Variants in YJU2 observed in about 807,000 individuals in gnomAD.
YJU2 encodes YJU2 splicing factor homolog, also known as splicing factor YJU2.
A neutral mutation model predicts 39.6 loss-of-function variants in YJU2; 28 were observed. The observed-to-expected ratio is 0.71, with a 90% CI of 0.52 to 0.97. The LOEUF (loss-of-function observed/expected upper bound fraction) is 0.97. Ranked by LOEUF, YJU2 falls within the 50% of genes least tolerant of loss-of-function variation. The probability of loss-of-function intolerance (pLI) is 0.00; values close to 1 mark genes in which losing one functional copy is unlikely to be tolerated. For synonymous variants in YJU2, 184 were observed against 182.4 expected, an observed-to-expected ratio of 1.01 and a Z score of -0.07; for missense variants, 328 against 430.4, an observed-to-expected ratio of 0.76 and a Z score of 2.11.
At chr19:4,251,309 T>G (rs1237107311) in intron 3 of YJU2, 138 bp downstream of exon 3, 3 of 863,100 alleles carry the variant, frequency 3.5e-6, no homozygotes, top group Non-Finnish European at 5.3e-6. Context: ...CAGACAACAG[T>G]TTGGGGGAGA....
At chr19:4,253,215 A>T (rs1970991877) in intron 3 of YJU2, among the ~76,000 whole-genome samples, 1 of 150,958 alleles carries the variant, frequency 6.6e-6, no homozygotes, top group African/African-American at 2.4e-5. Context: ...ACACACACAC[A>T]CACACACACA....
chr19:4,262,148 G>A, intron 6 of YJU2, 34 bp downstream of exon 6: 1 of 1,565,338 alleles, frequency 6.4e-7, no homozygotes, highest in East Asian at 2.3e-5. Context: ...GGGGCTCCCA[G>A]GTGAACTAGG....
rs1970938452 is a variant in YJU2, at chr19:4,247,633, GTGTGTGTGTGTGTGTGTGTGT to G, written c.24+464_24+484del. Reference sequence around the variant, plus strand: ...TGTGTGTGTGTGTGTGTGTGTGTGTGTGTGTGTGTGTGTGTGTGTGTGTGTGTGTGTGTGTGTGTGTGTGTG... The same window carrying G: ...TGTGTGTGTGTGTGTGTGTGTGTGTGGTGTGTGTGTGTGTGTGTGTGTGTG... On this transcript the variant is annotated intron_variant, in intron 1 of 7. Transcript: ENST00000262962. Among the ~76,000 whole-genome samples the G allele has an allele frequency of 7.8e-4, 50 of 64,318 alleles. 4 individuals carry two copies. The highest frequency in any genetic ancestry group is 2.0e-3 in the East Asian group (4 of 2,016). The allele number at this position is 64,318 out of a possible 152,430, so 42.2% of individuals were successfully genotyped here.
intron 2 of YJU2, among the ~76,000 whole-genome samples, chr19:4,250,076 C>T (rs1599495709): frequency 6.6e-6 from 1 of 152,124 alleles, no homozygotes; most frequent in African/African-American, 2.4e-5. Context: ...CTCACCCCTC[C>T]GGGAGGCCTC....
intron 6 of YJU2, among the ~76,000 whole-genome samples, chr19:4,262,688 C>T (rs574751572): frequency 1.6e-4 from 24 of 152,048 alleles, no homozygotes; most frequent in African/African-American, 5.1e-4. Flanking sequence ...GCAGGAGGAT[C>T]GCTTGAGGCC....
intron 6 of YJU2, among the ~76,000 whole-genome samples, chr19:4,265,339 C>T (rs1470031934): frequency 6.6e-6 from 1 of 151,970 alleles, no homozygotes; most frequent in East Asian, 1.9e-4. Context: ...CCTCCAACTC[C>T]TGGGCTCAAA....
chr19:4,248,323 A>G (rs1970948175), intron 1 of YJU2: 1 of 152,224 alleles, frequency 6.6e-6, no homozygotes, highest in African/African-American at 2.4e-5. Flanking sequence ...TGGAGCACCT[A>G]CTGGGTGCCA....
intron 4 of YJU2, among the ~76,000 whole-genome samples, chr19:4,255,463 C>G (rs370268293): frequency 1.3e-5 from 2 of 152,064 alleles, no homozygotes; most frequent in African/African-American, 4.8e-5. Context: ...GGCGTGGTGG[C>G]TCACACCTGT....
intron 5 of YJU2, among the ~76,000 whole-genome samples, 187 bp from the exon 6 acceptor site, chr19:4,261,807 G>A (rs1214473428): frequency 2.6e-5 from 4 of 151,896 alleles, no homozygotes; most frequent in Admixed American, 2.6e-4. Context: ...CTCCCTGAGT[G>A]ACAGAGTGAG....
chr19:4,250,087 C>G (rs1244360092), intron 2 of YJU2, among the ~76,000 whole-genome samples: 3 of 152,162 alleles, frequency 2.0e-5, no homozygotes, highest in Non-Finnish European at 4.4e-5. Context: ...GGGAGGCCTC[C>G]ATCATCCCCT....
intron 4 of YJU2, among the ~76,000 whole-genome samples, chr19:4,257,753 C>T (rs139986615): frequency 3.1e-4 from 47 of 152,198 alleles, no homozygotes; most frequent in African/African-American, 1.1e-3. Flanking sequence ...GGATTACAGG[C>T]GTGACCCATA....
chr19:4,254,622 T>G, intron 4 of YJU2, 133 bp downstream of exon 4: 1 of 1,323,712 alleles, frequency 7.6e-7, no homozygotes, highest in East Asian at 2.6e-5. Context: ...GGTAAAACTT[T>G]AAGATGTCCC....
chr19:4,267,066 G>C (rs1971121397), intron 6 of YJU2, among the ~76,000 whole-genome samples: 1 of 152,134 alleles, frequency 6.6e-6, no homozygotes, highest in Non-Finnish European at 1.5e-5. Context: ...TCTCAAGGCG[G>C]CTTCCTCCAT....
rs766534616 is a variant in YJU2, at chr19:4,267,707, C to T, written c.792C>T (p.Val264=). 7.4e-6 allele frequency: 12 copies of T among 1,613,116 alleles called. No homozygotes were observed. Among genetic ancestry groups the T allele is most frequent in the East Asian group, 4.5e-5 (2 of 44,874 alleles). The stretch of plus-strand genomic sequence containing the variant: ...GCCGGCCCCCGCTGTCGAGGCTGGT[C>T]GTGGTGAAGAAGGCAAAGGCCGACC... ...LGSRPPLSRL[V]VVKKAKADPD... is the part of the protein sequence containing the mutation. Residue 264 remains valine, a synonymous_variant, in exon 7 of 8, where the codon GTC becomes GTT. Coordinates refer to ENST00000262962, the MANE Select transcript of YJU2 (RefSeq NM_018074.6).
intron 2 of YJU2, among the ~76,000 whole-genome samples, chr19:4,250,049 T>C (rs1970963153): frequency 6.6e-6 from 1 of 152,106 alleles, no homozygotes; most frequent in African/African-American, 2.4e-5. Flanking sequence ...TTGTCTGCCA[T>C]AGGTCATGGC....
At chr19:4,252,893 T>C (rs1970988610) in intron 3 of YJU2, among the ~76,000 whole-genome samples, 1 of 152,130 alleles carries the variant, frequency 6.6e-6, no homozygotes, top group Admixed American at 6.6e-5. Flanking sequence ...ACTGCTATAC[T>C]CCAGCCTGAG....
chr19:4,260,146 C>A (rs571722068), intron 5 of YJU2, among the ~76,000 whole-genome samples: 9 of 152,184 alleles, frequency 5.9e-5, no homozygotes, highest in Non-Finnish European at 1.3e-4. Flanking sequence ...TAGAAGGGGC[C>A]GGGCGCAGGG....
At chr19:4,265,541 T>C (rs1205825063) in intron 6 of YJU2, among the ~76,000 whole-genome samples, 5 of 150,748 alleles carry the variant, frequency 3.3e-5, no homozygotes, top group African/African-American at 1.2e-4. Context: ...CTTAGTTTAG[T>C]TTAATGATGA....
In YJU2 at chr19:4,262,020, G is replaced by A. The variant is rs144079143; in HGVS notation, c.614G>A (p.Arg205Gln). ...GCCCTGTTGGAGGAAGCCAGAAAGCGAAGACTGCTGGAGGACTCCGACTCA... is the reference window on the plus strand; with the variant it reads ...GCCCTGTTGGAGGAAGCCAGAAAGCAAAGACTGCTGGAGGACTCCGACTCA... ...TAALLEEARK[R>Q]RLLEDSDSED... Residue 205 changes from arginine (R) to glutamine (Q), a missense_variant, in exon 6 of 8, where the codon CGA becomes CAA. Physicochemically the swap from Arg to Gln is conservative, Grantham distance 43. This residue lies in a region of YJU2 where 244 missense variants were observed against 264.6 expected (regional missense o/e 0.92). Coordinates refer to ENST00000262962, the MANE Select transcript of YJU2 (RefSeq NM_018074.6). 149 of 1,613,130 alleles carry A rather than the reference G, an allele frequency of 9.2e-5. No individual in the cohort carries two copies. The highest frequency in any genetic ancestry group is 1.6e-4 in the Middle Eastern group (1 of 6,082).
Sources: gnomAD v4.1 joint callset for allele counts (sites outside exome capture counted in the v4.1 genomes callset) on GRCh38, gnomAD v4.1.1 for gene constraint, gnomAD v4.1.1 regional missense constraint, MANE v1.5 for transcripts, NCBI Gene and HGNC (gene_info 2026-07-23, HGNC 2026-07-21) for gene names.